The following ATP9B variants were observed in gnomAD, a reference collection of about 807,000 sequenced individuals.
ATP9B encodes the protein probable phospholipid-transporting ATPase IIB.
A neutral mutation model predicts 146.1 loss-of-function variants in ATP9B; 110 were observed. The ratio of observed to expected loss-of-function variants is 0.75; its 90% CI spans 0.65 to 0.88. The LOEUF (loss-of-function observed/expected upper bound fraction) is 0.88, where lower values mean the gene tolerates loss of function less well. Among genes scored for constraint, ATP9B ranks in the 40% least tolerant of loss-of-function variants. The pLI, the probability that ATP9B is intolerant of heterozygous loss-of-function variation, is 0.00. For synonymous variants in ATP9B, 604 were observed against 569.7 expected (o/e 1.06, Z -0.86); for missense variants, 1,499 against 1,496.4 (o/e 1.00, Z -0.03).
At chr18:79,117,508 G>A (rs1182801500) in intron 4 of ATP9B, 1 of 152,230 alleles carries the variant, frequency 6.6e-6, no homozygotes, top group South Asian at 2.1e-4. Context: ...TGCAGGCAGA[G>A]GAGTAATTGC....
chr18:79,348,131 G>T lies in ATP9B; in HGVS notation c.2839-1G>T, dbSNP rs1168143429. 1 of 1,613,772 alleles carries T rather than the reference G, an allele frequency of 6.2e-7. No homozygotes were observed. Among genetic ancestry groups the T allele is most frequent in the Non-Finnish European group, 8.5e-7 (1 of 1,179,974 alleles). On this transcript the variant is annotated splice_acceptor_variant, in intron 24 of 29. Coordinates refer to ENST00000426216, the MANE Select transcript of ATP9B (RefSeq NM_198531.5). LOFTEE classifies it high-confidence loss of function. ...TCTTCGTCTGTGGGCTCTCTCTCCAGGCTGTGTTTTCCTCAGTCTTCTACT... is the reference window on the plus strand; with the variant it reads ...TCTTCGTCTGTGGGCTCTCTCTCCATGCTGTGTTTTCCTCAGTCTTCTACT...
intron 7 of ATP9B, among the ~76,000 whole-genome samples, chr18:79,168,384 T>TG (rs1452815126): frequency 3.3e-5 from 5 of 151,742 alleles, no homozygotes; most frequent in Admixed American, 6.6e-5. Flanking sequence ...TTTTGTTTTT[T>TG]TTTTTTTTAC....
chr18:79,232,804 C>G (rs1000412174), intron 11 of ATP9B, among the ~76,000 whole-genome samples: 1 of 152,040 alleles, frequency 6.6e-6, no homozygotes, highest in Non-Finnish European at 1.5e-5. Flanking sequence ...AAAGGCAATG[C>G]GAGAAACCAA....
intron 8 of ATP9B, among the ~76,000 whole-genome samples, chr18:79,178,106 G>C (rs529860602): frequency 6.6e-6 from 1 of 152,248 alleles, no homozygotes; most frequent in African/African-American, 2.4e-5. Context: ...AAATAGTGAA[G>C]TTATATGTCA....
In ATP9B at chr18:79,154,882, A is replaced by G. The variant is rs1391565208; in HGVS notation, c.778+327A>G. On this transcript the variant is annotated intron_variant, in intron 7 of 29. Coordinates refer to ENST00000426216, the MANE Select transcript of ATP9B (RefSeq NM_198531.5). ...ATAAAAATTTTCTTTGAATGACAGT[A>G]TATTGAATTCATTAACATCTAAATT... Among the ~76,000 whole-genome samples the G allele has an allele frequency of 7.2e-5, 11 of 152,366 alleles. No homozygotes were observed. In the East Asian group the frequency reaches 2.1e-3, roughly 29 times the overall value.
At chr18:79,105,887 T>C (rs2075621993) in intron 2 of ATP9B, among the ~76,000 whole-genome samples, 1 of 152,204 alleles carries the variant, frequency 6.6e-6, no homozygotes, top group African/African-American at 2.4e-5. Context: ...TTGTGTTGCT[T>C]TTAAATTGGT....
rs141478740 is a variant in ATP9B at position 79,281,984 on chromosome 18, G to A, written c.1411+4788G>A. 9.8e-5 allele frequency among the ~76,000 whole-genome samples: 15 copies of A among 152,362 alleles called. 1 individual carries two copies. The East Asian group carries it at 2.9e-3, about 29-fold the overall frequency. On this transcript the variant is annotated intron_variant, in intron 13 of 29. Transcript: ENST00000426216. Reference sequence around the variant, plus strand: ...AGGAGGTCAGCATTCATACAGGTTTGGAAGAAGTTGATTCCGACCCTCAGG... The same window carrying A: ...AGGAGGTCAGCATTCATACAGGTTTAGAAGAAGTTGATTCCGACCCTCAGG...
chr18:79,241,321 C>T (rs1482142523), intron 11 of ATP9B, among the ~76,000 whole-genome samples: 1 of 152,124 alleles, frequency 6.6e-6, no homozygotes, highest in African/African-American at 2.4e-5. Context: ...TCTGTTATGG[C>T]CTCGCTACCT....
At chr18:79,326,378 C>T (rs1247154922) in intron 15 of ATP9B, among the ~76,000 whole-genome samples, 3 of 122,044 alleles carry the variant, frequency 2.5e-5, no homozygotes, top group Non-Finnish European at 1.8e-5. Context: ...TCTGTACCCT[C>T]CCTCCCCTCA....
intron 2 of ATP9B, among the ~76,000 whole-genome samples, chr18:79,106,919 T>C (rs1254896545): frequency 1.3e-5 from 2 of 152,194 alleles, no homozygotes; most frequent in African/African-American, 4.8e-5. Context: ...ATAGTGTCGT[T>C]TGTCTGGAAG....
chr18:79,277,823 G>A (rs534456901), intron 13 of ATP9B, among the ~76,000 whole-genome samples: 1 of 152,142 alleles, frequency 6.6e-6, no homozygotes, highest in East Asian at 1.9e-4. Context: ...TTATTGATTT[G>A]TAATTTAAAT....
chr18:79,301,227 C>A (rs11876336), intron 13 of ATP9B, among the ~76,000 whole-genome samples: 10 of 152,130 alleles, frequency 6.6e-5, no homozygotes, highest in African/African-American at 2.2e-4. Context: ...GGTGGTGGCT[C>A]ACACCTGTTA....
At chr18:79,169,756 A>G (rs1033156088) in intron 7 of ATP9B, among the ~76,000 whole-genome samples, 5 of 152,210 alleles carry the variant, frequency 3.3e-5, no homozygotes, top group Non-Finnish European at 7.3e-5. Context: ...TATTAGATAT[A>G]TAAAAGTTTA....
chr18:79,122,328 G>A (rs2094203824), intron 4 of ATP9B, among the ~76,000 whole-genome samples: 1 of 152,054 alleles, frequency 6.6e-6, no homozygotes, highest in Non-Finnish European at 1.5e-5. Context: ...TCTTACGTGG[G>A]AATAGCTGCA....
chr18:79,281,229 A>G (rs1471685962), intron 13 of ATP9B, among the ~76,000 whole-genome samples: 3 of 151,942 alleles, frequency 2.0e-5, no homozygotes, highest in Non-Finnish European at 2.9e-5. Flanking sequence ...AGGTGCAGTG[A>G]CTCACACCCG....
intron 13 of ATP9B, among the ~76,000 whole-genome samples, chr18:79,283,820 A>G (rs1599587193): frequency 6.6e-6 from 1 of 152,354 alleles, no homozygotes; most frequent in Middle Eastern, 3.4e-3. Context: ...ATCTGCTGGG[A>G]GAACTTTAAT....
intron 11 of ATP9B, among the ~76,000 whole-genome samples, chr18:79,252,990 G>A (rs954570573): frequency 5.9e-5 from 9 of 152,172 alleles, no homozygotes; most frequent in Non-Finnish European, 1.2e-4. Flanking sequence ...ACCCGCCTGC[G>A]CCCTCAGAAG....
intron 5 of ATP9B, among the ~76,000 whole-genome samples, chr18:79,126,759 T>C (rs898888549): frequency 2.6e-5 from 4 of 152,252 alleles, no homozygotes; most frequent in African/African-American, 9.6e-5. Context: ...GTCTATACCA[T>C]GGCATTAACC....
chr18:79,313,019 C>T (rs1206213341), intron 15 of ATP9B, among the ~76,000 whole-genome samples: 1 of 152,190 alleles, frequency 6.6e-6, no homozygotes, highest in Admixed American at 6.5e-5. Flanking sequence ...TCTTCCCACT[C>T]CCTGTCAGCG....
Sources: gnomAD v4.1 joint callset for allele counts (sites outside exome capture counted in the v4.1 genomes callset) on GRCh38, gnomAD v4.1.1 for gene constraint, MANE v1.5 for transcripts, NCBI Gene and HGNC (gene_info 2026-07-23, HGNC 2026-07-21) for gene names.